Variants in FGD4 observed in about 807,000 individuals in gnomAD.
FGD4 encodes FYVE, RhoGEF and PH domain containing 4.
In FGD4, 42 loss-of-function variants were observed where a neutral mutation model predicts 102.0. The observed-to-expected ratio is 0.41, with a 90% CI of 0.32 to 0.53. The LOEUF (loss-of-function observed/expected upper bound fraction) is 0.53, where lower values mean the gene tolerates loss of function less well. FGD4 is among the 20% of genes least tolerant of loss of function. FGD4 has a pLI of 0.21. For missense variants in FGD4, 902 were observed against 1,078.2 expected (o/e 0.84, Z 2.29); for synonymous variants, 380 against 375.7 (o/e 1.01, Z -0.13).
chr12:32,513,472 A>G (rs1939588732), intron 1 of FGD4, among the ~76,000 whole-genome samples: 1 of 152,150 alleles, frequency 6.6e-6, no homozygotes. Flanking sequence ...GCCAGGCAAC[A>G]TGGTTCTTTA....
At chr12:32,561,087 T>G (rs948456759) in intron 1 of FGD4, among the ~76,000 whole-genome samples, 6 of 121,826 alleles carry the variant, frequency 4.9e-5, no homozygotes, top group Admixed American at 7.8e-5. Flanking sequence ...TTTTTTTTTT[T>G]TTTTTTTTTT....
chr12:32,486,316 T>A (rs1321603373), intron 1 of FGD4, among the ~76,000 whole-genome samples: 2 of 152,188 alleles, frequency 1.3e-5, no homozygotes, highest in Admixed American at 1.3e-4. Flanking sequence ...TTCTTTAGAG[T>A]AGTTCAGTGC....
At chr12:32,605,905 G>T (rs1223753652) in intron 7 of FGD4, among the ~76,000 whole-genome samples, 1 of 152,092 alleles carries the variant, frequency 6.6e-6, no homozygotes, top group Non-Finnish European at 1.5e-5. Flanking sequence ...TGGTGATAGT[G>T]GTAGTTATTG....
chr12:32,538,889 G>T (rs138045977), intron 1 of FGD4, among the ~76,000 whole-genome samples: 110 of 152,148 alleles, frequency 7.2e-4, no homozygotes, highest in Non-Finnish European at 1.3e-3. Flanking sequence ...TCCGTCTCTA[G>T]TAAAGATACA....
At chr12:32,593,345 A>C (rs1049252347) in intron 4 of FGD4, among the ~76,000 whole-genome samples, 2 of 152,226 alleles carry the variant, frequency 1.3e-5, no homozygotes, top group Non-Finnish European at 2.9e-5. Context: ...TCTCCATCCC[A>C]AAATCCCTAG....
chr12:32,452,567 A>C (rs12819555), intron 1 of FGD4, among the ~76,000 whole-genome samples: 16,943 of 152,278 alleles, frequency 0.11, 1,008 homozygotes, highest in Middle Eastern at 0.26. Context: ...GATTTACACA[A>C]AAAGTAAAGC....
chr12:32,440,731 G>C (rs1430028859), intron 1 of FGD4, among the ~76,000 whole-genome samples: 2 of 152,202 alleles, frequency 1.3e-5, no homozygotes, highest in Non-Finnish European at 2.9e-5. Flanking sequence ...GGCTAAACCA[G>C]CCAGGCCTGT....
chr12:32,399,984 A>T (rs563902330), intron 1 of FGD4, 25 bp downstream of exon 1: 26 of 1,435,016 alleles, frequency 1.8e-5, no homozygotes, highest in Non-Finnish European at 1.2e-5. Context: ...GCGCGGGGGA[A>T]GGGTGGCCCC....
intron 1 of FGD4, among the ~76,000 whole-genome samples, chr12:32,453,200 T>TTTTA (rs1470836726): frequency 1.5e-5 from 1 of 64,606 alleles, no homozygotes; most frequent in African/African-American, 5.0e-5. Flanking sequence ...TATATATATA[T>TTTTA]TATATATATA....
intron 1 of FGD4, among the ~76,000 whole-genome samples, chr12:32,517,173 T>C (rs1939977422): frequency 6.6e-6 from 1 of 152,232 alleles, no homozygotes; most frequent in African/African-American, 2.4e-5. Flanking sequence ...ATTCTAATTG[T>C]TCTCTGTTTT....
chr12:32,539,891 G>A (rs1003655996), intron 1 of FGD4, among the ~76,000 whole-genome samples: 13 of 152,036 alleles, frequency 8.6e-5, no homozygotes, highest in Non-Finnish European at 1.9e-4. Context: ...AAATAATTTT[G>A]TTATTTTATA....
At chr12:32,584,198 T>C (rs978034252) in intron 4 of FGD4, among the ~76,000 whole-genome samples, 2 of 152,176 alleles carry the variant, frequency 1.3e-5, no homozygotes, top group Non-Finnish European at 2.9e-5. Flanking sequence ...AAGCAAATTT[T>C]CTCTGCAGAG....
At chr12:32,402,495 GC>G (rs888922454) in intron 1 of FGD4, among the ~76,000 whole-genome samples, 2 of 151,922 alleles carry the variant, frequency 1.3e-5, no homozygotes, top group African/African-American at 2.4e-5. Flanking sequence ...AGAGTGCTGT[GC>G]CTATTCATAG....
intron 1 of FGD4, among the ~76,000 whole-genome samples, chr12:32,490,599 A>G (rs1469995195): frequency 6.7e-6 from 1 of 150,006 alleles, no homozygotes; most frequent in Non-Finnish European, 1.5e-5. Flanking sequence ...GGGTTTCACC[A>G]TATTGGCCAG....
chr12:32,627,705 G>A (rs952038406), intron 14 of FGD4, among the ~76,000 whole-genome samples: 5 of 152,256 alleles, frequency 3.3e-5, no homozygotes, highest in African/African-American at 1.2e-4. Flanking sequence ...ACAAGATATA[G>A]CAACTCAGGC....
chr12:32,425,192 T>A (rs1409999945), intron 1 of FGD4, among the ~76,000 whole-genome samples: 1 of 152,216 alleles, frequency 6.6e-6, no homozygotes, highest in African/African-American at 2.4e-5. Flanking sequence ...TTCTAGGGCT[T>A]TTAAGGTTTT....
chr12:32,618,905 G>T (rs1949616112), intron 10 of FGD4, among the ~76,000 whole-genome samples: 1 of 152,196 alleles, frequency 6.6e-6, no homozygotes, highest in Non-Finnish European at 1.5e-5. Context: ...GTTAAAGACT[G>T]CAGTGAGTCC....
At chr12:32,497,137 C>T (rs1416994380) in intron 1 of FGD4, among the ~76,000 whole-genome samples, 2 of 152,084 alleles carry the variant, frequency 1.3e-5, no homozygotes, top group Non-Finnish European at 2.9e-5. Flanking sequence ...TATACTTGGG[C>T]AAGTCCTGGA....
At chr12:32,416,281 T>C (rs1941409595) in intron 1 of FGD4, among the ~76,000 whole-genome samples, 1 of 152,218 alleles carries the variant, frequency 6.6e-6, no homozygotes, top group African/African-American at 2.4e-5. Context: ...ATTACAGGTG[T>C]GAGCGACTGT....
Sources: allele counts gnomAD v4.1 joint callset (sites outside exome capture counted in the v4.1 genomes callset), GRCh38; gene constraint gnomAD v4.1.1; transcripts MANE v1.5; gene names NCBI Gene and HGNC (gene_info 2026-07-23, HGNC 2026-07-21).